The following RAD51B variants were observed in gnomAD, a reference collection of about 807,000 sequenced individuals.
The protein encoded by RAD51B is DNA repair protein RAD51 homolog 2.
In RAD51B, 38 loss-of-function variants were observed where a neutral mutation model predicts 42.2. The ratio of observed to expected loss-of-function variants is 0.90; its 90% CI spans 0.70 to 1.18. The LOEUF (loss-of-function observed/expected upper bound fraction) is 1.18. RAD51B is among the 50% of genes most tolerant of loss of function. The probability of loss-of-function intolerance (pLI) is 0.00; values close to 1 mark genes in which losing one functional copy is unlikely to be tolerated. For missense variants in RAD51B, 373 were observed against 400.7 expected (o/e 0.93, Z 0.59); for synonymous variants, 154 against 145.2 (o/e 1.06, Z -0.43).
chr14:68,677,809 T>C (rs189511976), intron 11 of RAD51B, among the ~76,000 whole-genome samples: 1 of 152,248 alleles, frequency 6.6e-6, no homozygotes, highest in African/African-American at 2.4e-5. Flanking sequence ...CTTGGGTAGG[T>C]GTTACTGCTG....
At chr14:67,941,418 TA>T (rs1033863574) in intron 7 of RAD51B, among the ~76,000 whole-genome samples, 92 of 152,268 alleles carry the variant, frequency 6.0e-4, no homozygotes, top group African/African-American at 1.9e-3. Context: ...AGATTTGGCA[TA>T]GGGGGAAGAT....
At chr14:68,552,369 C>T (rs550695638) in intron 10 of RAD51B, among the ~76,000 whole-genome samples, 1 of 152,268 alleles carries the variant, frequency 6.6e-6, no homozygotes, top group South Asian at 2.1e-4. Flanking sequence ...GGCCCTCACC[C>T]GCTAAATCAA....
intron 10 of RAD51B, among the ~76,000 whole-genome samples, chr14:68,645,213 C>G (rs1286862175): frequency 6.6e-6 from 1 of 152,172 alleles, no homozygotes; most frequent in Non-Finnish European, 1.5e-5. Context: ...GTGATTTTGA[C>G]TACTGTAAGT....
chr14:68,470,007 A>G (rs186861144), intron 10 of RAD51B, among the ~76,000 whole-genome samples: 57 of 152,326 alleles, frequency 3.7e-4, no homozygotes, highest in African/African-American at 1.3e-3. Context: ...GGGAAGAGAA[A>G]GTTATTTAGA....
intron 11 of RAD51B, among the ~76,000 whole-genome samples, chr14:68,657,772 A>G (rs1892847392): frequency 6.6e-6 from 1 of 152,248 alleles, no homozygotes; most frequent in East Asian, 1.9e-4. Context: ...ACAGGTTGTC[A>G]GGCTTGGACC....
At chr14:68,662,642 A>G (rs2140147275) in intron 11 of RAD51B, among the ~76,000 whole-genome samples, 1 of 152,334 alleles carries the variant, frequency 6.6e-6, no homozygotes, top group Non-Finnish European at 1.5e-5. Flanking sequence ...GCCTACCACA[A>G]TGCCATGTGC....
At chr14:67,858,388 A>G (rs961235478) in intron 4 of RAD51B, among the ~76,000 whole-genome samples, 1 of 152,112 alleles carries the variant, frequency 6.6e-6, no homozygotes, top group African/African-American at 2.4e-5. Flanking sequence ...ATCTTCCCTA[A>G]AGTTGGGTCA....
chr14:68,471,557 GAAGGACA>G (rs994547975), intron 10 of RAD51B, among the ~76,000 whole-genome samples: 2 of 152,086 alleles, frequency 1.3e-5, no homozygotes, highest in African/African-American at 2.4e-5. Context: ...ACTGGGATGG[GAAGGACA>G]ATAAAGCGGC....
intron 5 of RAD51B, 71 bp downstream of exon 5, chr14:67,865,210 T>A: frequency 1.5e-6 from 2 of 1,332,506 alleles, no homozygotes; most frequent in Non-Finnish European, 2.0e-6. Context: ...CATTTACACA[T>A]AGGTTAACAT....
chr14:68,381,745 C>G (rs1237986330), intron 8 of RAD51B, among the ~76,000 whole-genome samples: 3 of 152,178 alleles, frequency 2.0e-5, no homozygotes, highest in African/African-American at 7.2e-5. Context: ...CTACTTCTTC[C>G]TATTAGTCAA....
At chr14:68,307,026 A>G (rs1228778370) in intron 8 of RAD51B, among the ~76,000 whole-genome samples, 1 of 137,692 alleles carries the variant, frequency 7.3e-6, no homozygotes, top group Non-Finnish European at 1.6e-5. Flanking sequence ...TTTTTTCCCT[A>G]TCTGGAATTT....
rs576917211 is a variant in RAD51B at position 68,265,274 on chromosome 14, C to G, written c.757-26610C>G. Among the ~76,000 whole-genome samples, 131 of 152,300 alleles carry G rather than the reference C, an allele frequency of 8.6e-4. 2 individuals carry two copies. In the South Asian group the frequency reaches 0.026, roughly 30 times the overall value. On this transcript the variant is annotated intron_variant, in intron 7 of 10. Transcript: ENST00000471583. The stretch of plus-strand genomic sequence containing the variant: ...ATTTGGCCTTAGTAAAGTTTGGTCT[C>G]TTAAGATTTATTACTCATTTATGGC...
downstream of RAD51B, among the ~76,000 whole-genome samples, chr14:68,481,451 G>A (rs1883172940): frequency 6.6e-6 from 1 of 152,174 alleles, no homozygotes; most frequent in Admixed American, 6.5e-5. Context: ...TATACCCAGT[G>A]TTTGACAAAC....
chr14:68,027,381 T>A (rs1262423214), intron 7 of RAD51B, among the ~76,000 whole-genome samples: 1 of 152,180 alleles, frequency 6.6e-6, no homozygotes, highest in Non-Finnish European at 1.5e-5. Flanking sequence ...AATTTACATG[T>A]CAACGTGAGA....
intron 5 of RAD51B, among the ~76,000 whole-genome samples, chr14:67,876,646 G>A (rs1950764): frequency 0.12 from 18,841 of 152,216 alleles, 1,579 homozygotes; most frequent in Middle Eastern, 0.27. Context: ...TAAAAGAGGA[G>A]CACTTCTAAC....
chr14:68,467,389 T>C (rs79825339), intron 9 of RAD51B, among the ~76,000 whole-genome samples: 3,018 of 152,344 alleles, frequency 0.02, 96 homozygotes, highest in African/African-American at 0.069. Context: ...CACAGTGATA[T>C]TTAACTTGTG....
chr14:68,101,157 C>A (rs1337665864), intron 7 of RAD51B, among the ~76,000 whole-genome samples: 2 of 152,140 alleles, frequency 1.3e-5, no homozygotes, highest in African/African-American at 4.8e-5. Flanking sequence ...ATTCAATTAC[C>A]TCCCACCAGG....
At chr14:68,545,683 A>G (rs1465455583) in intron 10 of RAD51B, 1 of 453,132 alleles carries the variant, frequency 2.2e-6, no homozygotes, top group Non-Finnish European at 4.4e-6. Flanking sequence ...TTGTCCACAC[A>G]TTGATTTCCC....
intron 7 of RAD51B, among the ~76,000 whole-genome samples, chr14:67,989,705 G>A (rs1007348210): frequency 1.3e-5 from 2 of 151,660 alleles, no homozygotes; most frequent in Admixed American, 6.6e-5. Flanking sequence ...ATGGGACAGT[G>A]GGTTGGGGGG....
Sources: gnomAD v4.1 joint callset for allele counts (sites outside exome capture counted in the v4.1 genomes callset) on GRCh38, gnomAD v4.1.1 for gene constraint, MANE v1.5 for transcripts, NCBI Gene and HGNC (gene_info 2026-07-23, HGNC 2026-07-21) for gene names.